The following ARHGAP32 variants were observed in gnomAD, a reference collection of about 807,000 sequenced individuals.
ARHGAP32 encodes rho GTPase-activating protein 32.
In ARHGAP32, 51 loss-of-function variants were observed where a neutral mutation model predicts 186.5. The ratio of observed to expected loss-of-function variants is 0.27; its 90% CI spans 0.22 to 0.35. The LOEUF (loss-of-function observed/expected upper bound fraction) is 0.35. Among genes scored for constraint, ARHGAP32 ranks in the 10% least tolerant of loss-of-function variants. The pLI is 1.00. For synonymous variants in ARHGAP32, 950 were observed against 964.3 expected (o/e 0.99, Z 0.27); for missense variants, 2,186 against 2,623.5 (o/e 0.83, Z 3.64).
chr11:129,253,629 G>C (rs1295610276), intron 1 of ARHGAP32, among the ~76,000 whole-genome samples: 1 of 152,012 alleles, frequency 6.6e-6, no homozygotes. Flanking sequence ...AATCCTCATA[G>C]GGCAATCAAA....
chr11:129,227,447 T>C (rs1475439971), intron 1 of ARHGAP32, among the ~76,000 whole-genome samples: 1 of 147,958 alleles, frequency 6.8e-6, no homozygotes, highest in Non-Finnish European at 1.5e-5. Context: ...AGACTAAATA[T>C]TCCAATTAAA....
chr11:128,998,239 T>G (rs1023554214), intron 12 of ARHGAP32, 80 bp downstream of exon 12: 83 of 1,204,346 alleles, frequency 6.9e-5, no homozygotes, highest in Non-Finnish European at 9.0e-5. Context: ...TTTGACTAAA[T>G]CTACTCCATA....
intron 17 of ARHGAP32, 149 bp from the exon 18 acceptor site, chr11:128,980,897 A>C: frequency 1.7e-6 from 1 of 574,748 alleles, no homozygotes; most frequent in Non-Finnish European, 3.0e-6. Context: ...GCTTTATATT[A>C]AATGAAAAAC....
chr11:129,085,727 G>T (rs1447051419), intron 6 of ARHGAP32, among the ~76,000 whole-genome samples: 1 of 152,092 alleles, frequency 6.6e-6, no homozygotes, highest in Non-Finnish European at 1.5e-5. Flanking sequence ...TACTAGGCTG[G>T]GTGCGGTGGC....
intron 1 of ARHGAP32, among the ~76,000 whole-genome samples, chr11:129,278,972 G>A (rs921125875): frequency 4.1e-5 from 6 of 147,846 alleles, no homozygotes; most frequent in Non-Finnish European, 9.1e-5. Flanking sequence ...GGGAGGCCGG[G>A]GAGATGGGGC....
At chr11:129,156,842 T>C (rs1943420075) in intron 2 of ARHGAP32, among the ~76,000 whole-genome samples, 1 of 152,200 alleles carries the variant, frequency 6.6e-6, no homozygotes, top group African/African-American at 2.4e-5. Flanking sequence ...AGCTGGCATC[T>C]GGCGGGTGCC....
intron 11 of ARHGAP32, among the ~76,000 whole-genome samples, chr11:129,038,459 T>C (rs370866884): frequency 1.3e-4 from 20 of 151,836 alleles, no homozygotes; most frequent in African/African-American, 4.8e-4. Context: ...TAAAGAAACA[T>C]CAAAAGTAAA....
At chr11:129,177,511 TG>T (rs1452929789) in intron 1 of ARHGAP32, among the ~76,000 whole-genome samples, 2 of 152,186 alleles carry the variant, frequency 1.3e-5, no homozygotes, top group African/African-American at 4.8e-5. Flanking sequence ...CCAATATCCT[TG>T]ATGAACATTG....
At chr11:129,259,177 C>T (rs1388443413) in intron 1 of ARHGAP32, among the ~76,000 whole-genome samples, 2 of 152,114 alleles carry the variant, frequency 1.3e-5, no homozygotes, top group African/African-American at 2.4e-5. Context: ...ATTTATTAAT[C>T]ATGTGTAAGA....
In ARHGAP32 at chr11:129,248,533, C is replaced by T. The variant is rs1363908059; in HGVS notation, c.-5+30613G>A. 1.4e-4 allele frequency among the ~76,000 whole-genome samples: 21 copies of T among 152,170 alleles called. 1 individual carries two copies. Among genetic ancestry groups the T allele is most frequent in the Admixed American group, 1.4e-3 (21 of 15,278 alleles). On this transcript the variant is annotated intron_variant, in intron 1 of 6. Coordinates refer to the ARHGAP32 transcript ENST00000525234. ...AAGTAGTGCTCTGTGCCTAAATCAC[C>T]CCAGCCTCCTTTTACTTAAGCTAAC...
chr11:129,105,659 A>T (rs1429431273), intron 5 of ARHGAP32, among the ~76,000 whole-genome samples: 2 of 152,102 alleles, frequency 1.3e-5, no homozygotes, highest in East Asian at 1.9e-4. Flanking sequence ...AAAAAATCAA[A>T]CTCTTAAGGA....
At chr11:129,128,688 A>G (rs1327019755) in intron 2 of ARHGAP32, among the ~76,000 whole-genome samples, 2 of 149,406 alleles carry the variant, frequency 1.3e-5, no homozygotes, top group Non-Finnish European at 2.9e-5. Flanking sequence ...TCCCTGCCTG[A>G]TTCTCCTGCC....
At chr11:129,250,991 C>T (rs755113366) in intron 1 of ARHGAP32, among the ~76,000 whole-genome samples, 4 of 152,186 alleles carry the variant, frequency 2.6e-5, no homozygotes, top group Non-Finnish European at 5.9e-5. Flanking sequence ...AAAAGTTACA[C>T]TGCATGCTAA....
chr11:129,235,716 C>G (rs1316375873), intron 1 of ARHGAP32, among the ~76,000 whole-genome samples: 1 of 152,082 alleles, frequency 6.6e-6, no homozygotes, highest in Non-Finnish European at 1.5e-5. Context: ...CCCACTACTC[C>G]CCGAGTCCTG....
At chr11:129,071,025 T>C (rs1260749649) in intron 6 of ARHGAP32, among the ~76,000 whole-genome samples, 2 of 152,086 alleles carry the variant, frequency 1.3e-5, no homozygotes, top group African/African-American at 2.4e-5. Context: ...GTATGTTTAA[T>C]CAAATTATTT....
At chr11:128,975,647 T>A (rs144206744) in intron 20 of ARHGAP32, among the ~76,000 whole-genome samples, 1 of 152,188 alleles carries the variant, frequency 6.6e-6, no homozygotes, top group East Asian at 1.9e-4. Flanking sequence ...AATTTTACGA[T>A]GTTGCTAAAT....
intron 5 of ARHGAP32, among the ~76,000 whole-genome samples, chr11:129,104,145 C>T (rs1448633684): frequency 1.3e-5 from 2 of 151,744 alleles, no homozygotes; most frequent in African/African-American, 4.8e-5. Context: ...CTGAAGAGTT[C>T]CCACCAACAA....
intron 11 of ARHGAP32, among the ~76,000 whole-genome samples, chr11:129,036,166 G>A (rs1214037293): frequency 2.0e-5 from 3 of 151,978 alleles, no homozygotes; most frequent in Admixed American, 6.6e-5. Flanking sequence ...ATCACCTGAG[G>A]TCAGGAGTTT....
chr11:129,059,261 C>T (rs1055582568), intron 10 of ARHGAP32, among the ~76,000 whole-genome samples: 1 of 152,156 alleles, frequency 6.6e-6, no homozygotes, highest in Non-Finnish European at 1.5e-5. Flanking sequence ...CTCTCAAAAA[C>T]TGTTTTCTCT....
Sources: allele counts gnomAD v4.1 joint callset (sites outside exome capture counted in the v4.1 genomes callset), GRCh38; gene constraint gnomAD v4.1.1; transcripts MANE v1.5; gene names NCBI Gene and HGNC (gene_info 2026-07-23, HGNC 2026-07-21).